The following CSMD1 variants were observed in gnomAD, a reference collection of about 807,000 sequenced individuals.
The protein encoded by CSMD1 is CUB and sushi domain-containing protein 1.
A neutral mutation model predicts 417.5 loss-of-function variants in CSMD1; 213 were observed. That is an observed-to-expected ratio of 0.51 (90% confidence interval 0.46 to 0.57). The LOEUF (loss-of-function observed/expected upper bound fraction) is 0.57, where lower values mean the gene tolerates loss of function less well. Among genes scored for constraint, CSMD1 ranks in the 20% least tolerant of loss-of-function variants. The pLI is 0.00. For missense variants in CSMD1, 6,923 were observed against 4,529.7 expected, an observed-to-expected ratio of 1.53 and a Z score of -15.17; for synonymous variants, 2,862 against 1,736.8, an observed-to-expected ratio of 1.65 and a Z score of -16.11.
At chr8:3,203,935 T>G (rs1328318117) in intron 31 of CSMD1, among the ~76,000 whole-genome samples, 1 of 152,202 alleles carries the variant, frequency 6.6e-6, no homozygotes, top group Non-Finnish European at 1.5e-5. Context: ...CACATCTGCC[T>G]CACCCCTCAC....
At chr8:4,902,982 TAATA>T (rs1359078715) in intron 1 of CSMD1, among the ~76,000 whole-genome samples, 4 of 146,526 alleles carry the variant, frequency 2.7e-5, no homozygotes, top group African/African-American at 7.7e-5. Context: ...AACTAAATAA[TAATA>T]AATAAATGAT....
intron 10 of CSMD1, among the ~76,000 whole-genome samples, chr8:3,541,740 T>TAC (rs1385663289): frequency 7.5e-6 from 1 of 133,082 alleles, no homozygotes; most frequent in African/African-American, 3.7e-5. Flanking sequence ...TATAAAATAT[T>TAC]ATATAAATAT....
At chr8:3,837,322 A>G (rs1461076489) in intron 5 of CSMD1, among the ~76,000 whole-genome samples, 1 of 152,172 alleles carries the variant, frequency 6.6e-6, no homozygotes, top group Non-Finnish European at 1.5e-5. Flanking sequence ...TGCAACTAGT[A>G]TTCATTTCTA....
intron 7 of CSMD1, among the ~76,000 whole-genome samples, chr8:3,620,758 A>T (rs748689005): frequency 6.6e-6 from 1 of 152,240 alleles, no homozygotes; most frequent in African/African-American, 2.4e-5. Context: ...AGGGACAAAA[A>T]TGCTGAAAGA....
chr8:3,090,012 C>T (rs554673171), intron 48 of CSMD1, among the ~76,000 whole-genome samples: 2 of 152,166 alleles, frequency 1.3e-5, no homozygotes, highest in Non-Finnish European at 2.9e-5. Context: ...AATTCAAACA[C>T]CTTTAAGAGT....
At chr8:4,619,103 G>A (rs986023501) in intron 2 of CSMD1, among the ~76,000 whole-genome samples, 1 of 152,002 alleles carries the variant, frequency 6.6e-6, no homozygotes, top group Non-Finnish European at 1.5e-5. Context: ...TAAATATCCT[G>A]GTTGAATTTC....
intron 2 of CSMD1, among the ~76,000 whole-genome samples, chr8:4,489,458 T>C (rs980519629): frequency 6.6e-6 from 1 of 152,214 alleles, no homozygotes; most frequent in African/African-American, 2.4e-5. Flanking sequence ...AACTATAAAA[T>C]GGGTGCTGAG....
At chr8:4,679,637 T>C (rs985850924) in intron 1 of CSMD1, among the ~76,000 whole-genome samples, 6 of 152,144 alleles carry the variant, frequency 3.9e-5, no homozygotes, top group African/African-American at 1.4e-4. Flanking sequence ...CTACAAAAGA[T>C]AATATCTTAC....
chr8:3,532,551 G>C (rs925984929), intron 10 of CSMD1, among the ~76,000 whole-genome samples: 1 of 152,076 alleles, frequency 6.6e-6, no homozygotes, highest in Non-Finnish European at 1.5e-5. Flanking sequence ...TTGAGAAATG[G>C]ACGTAGGTTC....
chr8:3,809,455 T>A (rs1325798234), intron 5 of CSMD1, among the ~76,000 whole-genome samples: 2 of 152,236 alleles, frequency 1.3e-5, no homozygotes, highest in African/African-American at 2.4e-5. Flanking sequence ...AACTACCTGG[T>A]TCCTGGGGAT....
chr8:3,311,413 C>T (rs1168166392), intron 23 of CSMD1, among the ~76,000 whole-genome samples: 1 of 152,068 alleles, frequency 6.6e-6, no homozygotes, highest in African/African-American at 2.4e-5. Context: ...TCACACCCAG[C>T]TAATTTTTGT....
At chr8:3,890,225 A>T (rs555020403) in intron 5 of CSMD1, among the ~76,000 whole-genome samples, 1 of 152,218 alleles carries the variant, frequency 6.6e-6, no homozygotes, top group Non-Finnish European at 1.5e-5. Context: ...TTAATAAAAG[A>T]TAAGAAATAT....
intron 5 of CSMD1, among the ~76,000 whole-genome samples, chr8:3,805,077 A>C (rs1409843178): frequency 6.8e-6 from 1 of 146,322 alleles, no homozygotes; most frequent in Non-Finnish European, 1.5e-5. Context: ...AATTAGAATA[A>C]CAGATACTAC....
chr8:3,648,124 A>G (rs2469408), intron 7 of CSMD1, among the ~76,000 whole-genome samples: 141,572 of 152,296 alleles, frequency 0.93, 65,851 homozygotes, highest in Admixed American at 0.96. Flanking sequence ...AACAGAACCT[A>G]CCACTTTACT....
In CSMD1 at chr8:3,187,858, C is replaced by G. The variant is rs780046131; in HGVS notation, c.5620+11G>C. 6 of 1,606,548 alleles carry G rather than the reference C, an allele frequency of 3.7e-6. No homozygotes were observed. Among genetic ancestry groups the G allele is most frequent in the Admixed American group, 1.7e-5 (1 of 59,716 alleles). ...TGAGTCACACAGGTGAGGAAATTGACTCCATCTTACCTGAGAAGCTTCCCA... is the reference window on the plus strand; with the variant it reads ...TGAGTCACACAGGTGAGGAAATTGAGTCCATCTTACCTGAGAAGCTTCCCA... On this transcript the variant is annotated intron_variant, in intron 36 of 69. Transcript: ENST00000635120.
At chr8:4,672,609 T>G (rs1309689495) in intron 1 of CSMD1, among the ~76,000 whole-genome samples, 1 of 152,154 alleles carries the variant, frequency 6.6e-6, no homozygotes, top group Non-Finnish European at 1.5e-5. Context: ...ATGTGCTACG[T>G]ATGCAGAAAA....
chr8:3,520,020 C>CTATATATATATATATATATATA lies in CSMD1; in HGVS notation c.1345-26295_1345-26294insTATATATATATATATATATATA, dbSNP rs33939239. Among the ~76,000 whole-genome samples the CTATATATATATATATATATATA allele has an allele frequency of 1.9e-3, 262 of 137,484 alleles. 3 individuals carry two copies. Among genetic ancestry groups the CTATATATATATATATATATATA allele is most frequent in the African/African-American group, 7.6e-3 (256 of 33,780 alleles). The allele number at this position is 137,484 out of a possible 152,430, so 90.2% of individuals were successfully genotyped here. On this transcript the variant is annotated intron_variant, in intron 10 of 69. Transcript: ENST00000635120. Reference sequence around the variant, plus strand: ...TATATATGTGTGTGTGTGTATATACCTATATATATATATATATATACACGT... The same window carrying CTATATATATATATATATATATA: ...TATATATGTGTGTGTGTGTATATACCTATATATATATATATATATATATATATATATATATATATATACACGT...
At chr8:4,787,988 A>G in intron 1 of CSMD1, 13 of 1,594,654 alleles carry the variant, frequency 8.2e-6, no homozygotes, top group Non-Finnish European at 1.1e-5. Context: ...GCCAACAGAA[A>G]GACAAACAGT....
intron 3 of CSMD1, among the ~76,000 whole-genome samples, chr8:4,047,126 G>A (rs1322137843): frequency 2.0e-5 from 3 of 152,252 alleles, no homozygotes; most frequent in Non-Finnish European, 4.4e-5. Context: ...GGAAGCTGTG[G>A]AAGAAGCAGA....
Sources: gnomAD v4.1 joint callset for allele counts (sites outside exome capture counted in the v4.1 genomes callset) on GRCh38, gnomAD v4.1.1 for gene constraint, MANE v1.5 for transcripts, NCBI Gene and HGNC (gene_info 2026-07-23, HGNC 2026-07-21) for gene names.